PTPRZ1: variants seen among roughly 807,000 people sequenced by gnomAD.
The protein encoded by PTPRZ1 is protein tyrosine phosphatase receptor type Z1, also known as receptor-type tyrosine-protein phosphatase zeta.
PTPRZ1 carries 82 observed loss-of-function variants against 214.1 expected under a neutral mutation model. The observed-to-expected ratio is 0.38, with a 90% CI of 0.32 to 0.46. The LOEUF (loss-of-function observed/expected upper bound fraction) is 0.46, where lower values mean the gene tolerates loss of function less well. PTPRZ1 is among the 20% of genes least tolerant of loss of function. The probability of loss-of-function intolerance (pLI) is 1.00; values close to 1 mark genes in which losing one functional copy is unlikely to be tolerated. For synonymous variants in PTPRZ1, 945 were observed against 987.9 expected, an observed-to-expected ratio of 0.96 and a Z score of 0.81; for missense variants, 2,603 against 2,748.7, an observed-to-expected ratio of 0.95 and a Z score of 1.19.
rs760343195 is a variant in PTPRZ1 at position 122,012,492 on chromosome 7, A to G, written c.3446A>G (p.Glu1149Gly). ...SLKPVLSANS[E>G]PASSDPASSE... ...AAACCTGTGCTTAGTGCAAACTCAG[A>G]GCCAGCATCCTCTGACCCTGCTTCT... is the stretch of plus-strand genomic sequence containing the variant. Residue 1149 changes from glutamate to glycine, a missense_variant, in exon 12 of 30, where the codon GAG becomes GGG. By Grantham distance (98) the Glu-to-Gly change is moderately conservative. Transcript: ENST00000393386. The G allele has an allele frequency of 2.1e-5, 34 of 1,613,972 alleles. No individual in the cohort carries two copies. In the Middle Eastern group the frequency reaches 9.9e-4, roughly 47 times the overall value.
chr7:122,003,902 T>C (rs1434803536), intron 10 of PTPRZ1, among the ~76,000 whole-genome samples: 1 of 152,190 alleles, frequency 6.6e-6, no homozygotes, highest in Non-Finnish European at 1.5e-5. Context: ...GATTCTGATT[T>C]GTTGGGACAA....
intron 1 of PTPRZ1, among the ~76,000 whole-genome samples, chr7:121,923,504 G>T (rs1300688397): frequency 1.3e-5 from 2 of 152,112 alleles, no homozygotes; most frequent in African/African-American, 4.8e-5. Context: ...GCAATAACGT[G>T]TGTATGTGTT....
chr7:121,905,465 C>T (rs1795087479), intron 1 of PTPRZ1, among the ~76,000 whole-genome samples: 1 of 152,094 alleles, frequency 6.6e-6, no homozygotes, highest in Admixed American at 6.6e-5. Flanking sequence ...TCAACAAGGC[C>T]ATGCAGATAT....
intron 1 of PTPRZ1, among the ~76,000 whole-genome samples, chr7:121,918,896 C>T (rs554494382): frequency 4.6e-5 from 7 of 151,786 alleles, no homozygotes; most frequent in African/African-American, 9.7e-5. Context: ...AATGGCTTCA[C>T]GTCATTTCAT....
Position 122,059,776 on chromosome 7 carries a change from C to G in PTPRZ1, c.6695C>G (p.Thr2232Ser), listed in dbSNP as rs1303309495. The G allele has an allele frequency of 4.3e-6, 7 of 1,611,364 alleles. No individual in the cohort carries two copies. Among genetic ancestry groups the G allele is most frequent in the Non-Finnish European group, 5.9e-6 (7 of 1,179,082 alleles). The change falls in exon 29 of 30, where the codon ACT becomes AGT. Residue 2232 changes from threonine (T) to serine (S), a missense_variant. Coordinates refer to ENST00000393386, the MANE Select transcript of PTPRZ1 (RefSeq NM_002851.3). ...HDEHGGVTAG[T>S]FCALTTLMHQ... The stretch of plus-strand genomic sequence containing the variant: ...AGGCATGGAGGAGTGACGGCAGGAA[C>G]TTTCTGTGCTCTGACAACCCTTATG...
At chr7:121,947,312 A>T (rs1253066308) in intron 2 of PTPRZ1, among the ~76,000 whole-genome samples, 1 of 152,076 alleles carries the variant, frequency 6.6e-6, no homozygotes, top group Non-Finnish European at 1.5e-5. Flanking sequence ...TTTAAAAGAG[A>T]AGTACAAGTT....
intron 13 of PTPRZ1, among the ~76,000 whole-genome samples, chr7:122,023,283 T>A (rs562066069): frequency 1.3e-5 from 2 of 151,426 alleles, no homozygotes; most frequent in South Asian, 4.1e-4. Context: ...AAATTCAAAG[T>A]GAGAAAATCC....
intron 6 of PTPRZ1, among the ~76,000 whole-genome samples, chr7:121,979,541 G>A (rs1283809044): frequency 6.6e-6 from 1 of 152,132 alleles, no homozygotes; most frequent in East Asian, 1.9e-4. Flanking sequence ...TAAGTAATAG[G>A]AGCTGGTTTT....
At chr7:122,051,717 T>A in intron 24 of PTPRZ1, 149 bp from the exon 25 acceptor site, 1 of 872,164 alleles carries the variant, frequency 1.1e-6, no homozygotes. Context: ...TATAGAAAAA[T>A]TAGCTTACAG....
rs188851047 is a variant in PTPRZ1 at position 121,951,945 on chromosome 7, G to A, written c.125-16006G>A. Among the ~76,000 whole-genome samples the A allele has an allele frequency of 7.8e-5, 11 of 141,668 alleles. No individual in the cohort carries two copies. The East Asian group carries it at 1.9e-3, about 25-fold the overall frequency. The allele number at this position is 141,668 out of a possible 152,430, so 92.9% of individuals were successfully genotyped here. ...AGTTTAGATACCTTTAAATCCATGC[G>A]AGTGTATTTATTTATTTATTTTTTT... On this transcript the variant is annotated intron_variant, in intron 2 of 29. Coordinates refer to ENST00000393386, the MANE Select transcript of PTPRZ1 (RefSeq NM_002851.3).
chr7:121,908,078 A>G (rs1049123153), intron 1 of PTPRZ1, among the ~76,000 whole-genome samples: 7 of 152,150 alleles, frequency 4.6e-5, no homozygotes, highest in African/African-American at 1.7e-4. Context: ...AGCTCTAACC[A>G]AATGTGTCAA....
intron 1 of PTPRZ1, among the ~76,000 whole-genome samples, chr7:121,923,438 T>C (rs572971282): frequency 1.3e-5 from 2 of 152,272 alleles, no homozygotes; most frequent in Admixed American, 1.3e-4. Flanking sequence ...CTGAAAGTTA[T>C]TTTTCTTAGG....
intron 21 of PTPRZ1, 96 bp from the exon 22 acceptor site, chr7:122,042,512 A>G: frequency 8.1e-7 from 1 of 1,232,796 alleles, no homozygotes; most frequent in Non-Finnish European, 1.1e-6. Context: ...TGAAGAAGGA[A>G]GTTATTTTAA....
intron 1 of PTPRZ1, among the ~76,000 whole-genome samples, chr7:121,885,099 G>T (rs1169269061): frequency 2.0e-5 from 3 of 152,144 alleles, no homozygotes; most frequent in Non-Finnish European, 2.9e-5. Flanking sequence ...TGCATTTAGG[G>T]TTCCCCAGCA....
chr7:122,038,735 T>C lies in PTPRZ1; in HGVS notation c.5368-20T>C. 3 of 1,610,668 alleles carry C rather than the reference T, an allele frequency of 1.9e-6. No individual in the cohort carries two copies. The highest frequency in any genetic ancestry group is 2.2e-5 in the East Asian group (1 of 44,782). ...CATATAAATCAGTTAGTAGGAAACA[T>C]TTGTCATTTAATTCTTCAGGGCTAC... On this transcript the variant is annotated intron_variant, in intron 18 of 29. Coordinates refer to ENST00000393386, the MANE Select transcript of PTPRZ1 (RefSeq NM_002851.3).
At chr7:121,926,187 C>A (rs1043873136) in intron 1 of PTPRZ1, among the ~76,000 whole-genome samples, 1 of 149,746 alleles carries the variant, frequency 6.7e-6, no homozygotes, top group East Asian at 2.0e-4. Context: ...CGCCTGTAAT[C>A]GCAGTTACTC....
intron 2 of PTPRZ1, among the ~76,000 whole-genome samples, chr7:121,929,082 C>A (rs563841197): frequency 1.3e-5 from 2 of 152,228 alleles, no homozygotes; most frequent in Non-Finnish European, 2.9e-5. Flanking sequence ...TATTTTCTTT[C>A]TTCTTTTTAA....
chr7:121,986,416 T>A (rs1490622968), intron 8 of PTPRZ1, among the ~76,000 whole-genome samples: 4 of 152,196 alleles, frequency 2.6e-5, no homozygotes, highest in Admixed American at 2.0e-4. Flanking sequence ...AAAAAACTGA[T>A]GACTTTAAAG....
intron 17 of PTPRZ1, among the ~76,000 whole-genome samples, chr7:122,035,002 C>T (rs1434098262): frequency 1.3e-5 from 2 of 151,946 alleles, no homozygotes; most frequent in African/African-American, 2.4e-5. Context: ...CTTCTGGTTG[C>T]ATTTGTTCCC....
Sources: allele counts gnomAD v4.1 joint callset (sites outside exome capture counted in the v4.1 genomes callset), GRCh38; gene constraint gnomAD v4.1.1; transcripts MANE v1.5; gene names NCBI Gene and HGNC (gene_info 2026-07-23, HGNC 2026-07-21).